The following SPG11 variants were observed in gnomAD, a reference collection of about 807,000 sequenced individuals.
SPG11 encodes the protein SPG11 vesicle trafficking associated, spatacsin.
SPG11 carries 222 observed loss-of-function variants against 274.0 expected under a neutral mutation model. The ratio of observed to expected loss-of-function variants is 0.81; its 90% CI spans 0.73 to 0.91. SPG11 has a LOEUF of 0.91. SPG11 is among the 40% of genes least tolerant of loss of function. The pLI, the probability that SPG11 is intolerant of heterozygous loss-of-function variation, is 0.00. For missense variants in SPG11, 3,114 were observed against 2,872.7 expected, an observed-to-expected ratio of 1.08 and a Z score of -1.92; for synonymous variants, 1,144 against 1,039.7, an observed-to-expected ratio of 1.10 and a Z score of -1.93.
chr15:44,572,178 T>A lies in SPG11; in HGVS notation c.6343+505A>T, dbSNP rs936108629. 2.0e-5 allele frequency among the ~76,000 whole-genome samples: 3 copies of A among 152,194 alleles called. No homozygotes were observed. In the South Asian group the frequency reaches 6.2e-4, roughly 31 times the overall value. On this transcript the variant is annotated intron_variant, in intron 33 of 39. Transcript: ENST00000261866. ...GAAGAATATTCAATGCCATGAAAAA[T>A]GTTAATGACAGCATATTCATAAAGT...
chr15:44,578,190 A>ATTT (rs564990735), intron 30 of SPG11, among the ~76,000 whole-genome samples: 2 of 127,850 alleles, frequency 1.6e-5, no homozygotes, highest in East Asian at 2.2e-4. Context: ...ACGCGTGGCT[A>ATTT]TTTTTTTTTT....
rs141177255 is a variant in SPG11, at chr15:44,598,256, C to A, written c.4001+9G>T. The A allele has an allele frequency of 4.4e-4, 698 of 1,603,406 alleles. 4 individuals are homozygous for A. The African/African-American group carries it at 8.3e-3, about 19-fold the overall frequency. On this transcript the variant is annotated intron_variant, in intron 23 of 39. Transcript: ENST00000261866. ...GTTAGAAAAGAGGCTGAGACTGCAA[C>A]TCACAAACCTCTTTATTTCCTGTTG...
At chr15:44,604,237 T>A in intron 20 of SPG11, 1 of 385,496 alleles carries the variant, frequency 2.6e-6, no homozygotes, top group Non-Finnish European at 5.1e-6. Context: ...TGGAGGTATC[T>A]GTCATCTTAC....
In SPG11 at chr15:44,651,699, C is replaced by A. The variant is rs371310453; in HGVS notation, c.1248G>T (p.Met416Ile). 6.1e-5 allele frequency: 99 copies of A among 1,614,094 alleles called. No homozygotes were observed. Among genetic ancestry groups the A allele is most frequent in the Non-Finnish European group, 8.1e-5 (96 of 1,180,040 alleles). The change falls in exon 6 of 40, where the codon ATG becomes ATT. Residue 416 changes from methionine to isoleucine, a missense_variant. Coordinates refer to ENST00000261866, the MANE Select transcript of SPG11 (RefSeq NM_025137.4). ...TGGGTTCCTCTTGTTCACTGATGTG[C>A]ATTATTTTCCATGATCTTCCTGGAT... Reference protein sequence around the residue: ...TSDPGRSWKIMHISEQEEPIE... With the variant: ...TSDPGRSWKIIHISEQEEPIE...
chr15:44,656,699 C>A (rs1274977656), intron 4 of SPG11, among the ~76,000 whole-genome samples: 1 of 152,104 alleles, frequency 6.6e-6, no homozygotes, highest in Non-Finnish European at 1.5e-5. Context: ...AAGAAAAAGT[C>A]ATTGACAATG....
intron 15 of SPG11, among the ~76,000 whole-genome samples, chr15:44,616,353 G>A (rs2083593550): frequency 6.6e-6 from 1 of 151,900 alleles, no homozygotes; most frequent in Non-Finnish European, 1.5e-5. Context: ...CGACAGGCAT[G>A]TGCCACCACA....
At chr15:44,570,976 T>C (rs2082411686) in intron 33 of SPG11, among the ~76,000 whole-genome samples, 1 of 152,184 alleles carries the variant, frequency 6.6e-6, no homozygotes, top group African/African-American at 2.4e-5. Flanking sequence ...GACAAACTGA[T>C]GGAGTTCCTG....
Position 44,565,870 on chromosome 15 carries a change from A to G in SPG11, c.6983T>C (p.Leu2328Pro). The change falls in exon 38 of 40, where the codon CTA becomes CCA. Residue 2328 changes from leucine (L) to proline (P), a missense_variant. Physicochemically the swap from Leu to Pro is moderately conservative, Grantham distance 98. Transcript: ENST00000261866. ...RHKLMDCILA[L>P]PRFYQASIVA... is the part of the protein sequence containing the mutation. ...CTTGCTCACCTGGTAGAACCGAGGT[A>G]GGGCCAGAATACAGTCCATCAGCTT... The G allele has an allele frequency of 4.3e-6, 7 of 1,614,152 alleles. No individual in the cohort carries two copies. The highest frequency in any genetic ancestry group is 5.9e-6 in the Non-Finnish European group (7 of 1,180,028).
intron 15 of SPG11, among the ~76,000 whole-genome samples, chr15:44,618,817 CA>C (rs77091158): frequency 1.6e-3 from 210 of 130,852 alleles, no homozygotes; most frequent in African/African-American, 2.0e-3. Context: ...GACTCCATCT[CA>C]AAAAAAAAAA....
intron 13 of SPG11, 76 bp downstream of exon 13, chr15:44,622,144 G>A: frequency 1.3e-6 from 2 of 1,502,978 alleles, no homozygotes; most frequent in South Asian, 1.2e-5. Flanking sequence ...TAAGAAACTT[G>A]TGTTCACTAA....
chr15:44,567,618 A>C, intron 35 of SPG11, 26 bp from the exon 36 acceptor site: 1 of 1,613,620 alleles, frequency 6.2e-7, no homozygotes, highest in Non-Finnish European at 8.5e-7. Flanking sequence ...GGGAAAAAGC[A>C]AGGTGTCAGT....
chr15:44,600,760 A>C (rs1472709780), intron 20 of SPG11, 128 bp from the exon 21 acceptor site: 1 of 931,072 alleles, frequency 1.1e-6, no homozygotes, highest in East Asian at 2.6e-5. Context: ...TATCACTTTG[A>C]ATCTACCAAA....
intron 7 of SPG11, among the ~76,000 whole-genome samples, chr15:44,641,922 G>GAAAAAAA (rs71111874): frequency 8.9e-5 from 5 of 55,914 alleles, no homozygotes; most frequent in Non-Finnish European, 1.5e-4. Flanking sequence ...CTGCTTAACA[G>GAAAAAAA]AAAAAAAAAA....
Position 44,598,354 on chromosome 15 carries a change from TA to T in SPG11, c.3911del (p.Leu1304GlnfsTer16), listed in dbSNP as rs776672979. 6.2e-7 allele frequency: 1 copy of T among 1,614,028 alleles called. No homozygotes were observed. Among genetic ancestry groups the T allele is most frequent in the South Asian group, 1.1e-5 (1 of 91,080 alleles). On this transcript the variant is annotated frameshift_variant, in exon 23 of 40. Transcript: ENST00000261866. LOFTEE classifies it high-confidence loss of function. ...RESVAEKLSK[L>X]ADGEKTTTEE... ...CTGTGGTTGTCTTTTCACCATCAGC[TA>T]GTTTAGATAGTTTTTCGGCTGTAAG...
At chr15:44,632,007 CTA>C (rs2084078892) in intron 8 of SPG11, among the ~76,000 whole-genome samples, 1 of 151,840 alleles carries the variant, frequency 6.6e-6, no homozygotes, top group South Asian at 2.1e-4. Context: ...TAAGGTTTCA[CTA>C]TGTTACCCAG....
intron 25 of SPG11, among the ~76,000 whole-genome samples, chr15:44,595,852 G>A (rs1382481095): frequency 6.6e-6 from 1 of 152,192 alleles, no homozygotes; most frequent in Non-Finnish European, 1.5e-5. Context: ...CTGCCAACCA[G>A]AAACCAAGGC....
At position 44,626,524 on chromosome 15, in the gene SPG11, G is replaced by C. The variant is rs767305416; in HGVS notation, c.2068-17C>G. 1.9e-6 allele frequency: 3 copies of C among 1,612,448 alleles called. No homozygotes were observed. The highest frequency in any genetic ancestry group is 2.5e-6 in the Non-Finnish European group (3 of 1,179,312). ...AATAACTTCCTAGGAAAAGAAAAAC[G>C]TTTGCCTTTTAAGTTCTTTTTCATT... is the stretch of plus-strand genomic sequence containing the variant. On this transcript the variant is annotated splice_polypyrimidine_tract_variant and intron_variant, in intron 10 of 39. Coordinates refer to ENST00000261866, the MANE Select transcript of SPG11 (RefSeq NM_025137.4).
intron 33 of SPG11, 36 bp from the exon 34 acceptor site, chr15:44,570,694 A>G: frequency 6.2e-7 from 1 of 1,606,428 alleles, no homozygotes; most frequent in African/African-American, 1.3e-5. Flanking sequence ...AAGATTATGA[A>G]CCCTGGCTGC....
Position 44,621,783 on chromosome 15 carries a change from G to A in SPG11, c.2596C>T (p.Leu866Phe), listed in dbSNP as rs1224627152. Residue 866 changes from leucine (L) to phenylalanine (F), a missense_variant, in exon 14 of 40, where the codon CTT becomes TTT. By Grantham distance (22) the Leu-to-Phe change is conservative. Transcript: ENST00000261866. ...CCTTCTGGACTTATCCTGGGGAGAA[G>A]GATGGATTCTTGTGTTAGTTGATCC... ...WWDQLTQESILLPRISPEEYK... is the reference protein window; with the variant it reads ...WWDQLTQESIFLPRISPEEYK... 2.5e-6 allele frequency: 4 copies of A among 1,613,780 alleles called. No homozygotes were observed. The African/African-American group carries it at 5.3e-5, about 22-fold the overall frequency.
Sources: allele counts gnomAD v4.1 joint callset (sites outside exome capture counted in the v4.1 genomes callset), GRCh38; gene constraint gnomAD v4.1.1; transcripts MANE v1.5; gene names NCBI Gene and HGNC (gene_info 2026-07-23, HGNC 2026-07-21).